PTPRD: variants seen among roughly 807,000 people sequenced by gnomAD.
PTPRD encodes protein tyrosine phosphatase receptor type D, also known as receptor-type tyrosine-protein phosphatase delta.
In PTPRD, 34 loss-of-function variants were observed where a neutral mutation model predicts 214.5. The ratio of observed to expected loss-of-function variants is 0.16; its 90% CI spans 0.12 to 0.21. The LOEUF is 0.21. Ranked by LOEUF, PTPRD falls within the 10% of genes least tolerant of loss-of-function variation. The pLI, the probability that PTPRD is intolerant of heterozygous loss-of-function variation, is 1.00. For synonymous variants in PTPRD, 1,128 were observed against 845.7 expected (o/e 1.33, Z -5.79); for missense variants, 2,545 against 2,398.7 (o/e 1.06, Z -1.27).
chr9:10,213,071 C>G (rs2099524474), intron 3 of PTPRD, among the ~76,000 whole-genome samples: 1 of 152,102 alleles, frequency 6.6e-6, no homozygotes, highest in South Asian at 2.1e-4. Context: ...TAAAGCTACA[C>G]AAGTTTTCAA....
chr9:8,359,273 C>T (rs563786593), intron 39 of PTPRD, among the ~76,000 whole-genome samples: 2 of 151,924 alleles, frequency 1.3e-5, no homozygotes, highest in East Asian at 1.9e-4. Context: ...CAGGCCCCAC[C>T]CCAACCTAGA....
At chr9:10,250,399 T>C (rs927109357) in intron 3 of PTPRD, among the ~76,000 whole-genome samples, 6 of 152,220 alleles carry the variant, frequency 3.9e-5, no homozygotes, top group East Asian at 1.9e-4. Context: ...CAAGACAAGA[T>C]GTACTGGAAC....
intron 21 of PTPRD, 39 bp downstream of exon 21, chr9:8,517,809 C>A (rs911746140): frequency 1.3e-6 from 2 of 1,550,682 alleles, no homozygotes; most frequent in East Asian, 4.5e-5. Flanking sequence ...TGCACCAGCC[C>A]TTCCCTCCTG....
intron 3 of PTPRD, among the ~76,000 whole-genome samples, chr9:10,118,410 G>C (rs958489020): frequency 6.6e-6 from 1 of 151,456 alleles, no homozygotes; most frequent in Non-Finnish European, 1.5e-5. Context: ...GTGCATAAAA[G>C]CACCTAGTTT....
At chr9:8,833,339 G>C (rs906355062) in intron 11 of PTPRD, among the ~76,000 whole-genome samples, 6 of 151,972 alleles carry the variant, frequency 3.9e-5, no homozygotes, top group African/African-American at 1.4e-4. Context: ...CTTTTGATAA[G>C]CCTGATATAT....
intron 14 of PTPRD, among the ~76,000 whole-genome samples, chr9:8,567,452 CCTT>C (rs1207648599): frequency 1.3e-5 from 2 of 152,152 alleles, no homozygotes; most frequent in Non-Finnish European, 1.5e-5. Context: ...GGGCACATGT[CCTT>C]CTTCACTAAG....
At chr9:10,491,057 G>A (rs779418792) in intron 2 of PTPRD, among the ~76,000 whole-genome samples, 4 of 152,098 alleles carry the variant, frequency 2.6e-5, no homozygotes, top group Admixed American at 6.6e-5. Context: ...CAGATTGCAA[G>A]CTTCCTGAAT....
intron 5 of PTPRD, among the ~76,000 whole-genome samples, chr9:9,891,242 G>A (rs2073214110): frequency 6.6e-6 from 1 of 152,100 alleles, no homozygotes; most frequent in African/African-American, 2.4e-5. Flanking sequence ...GTATGGGGAT[G>A]GGGATGAGAT....
At chr9:9,218,939 C>T (rs1477558974) in intron 9 of PTPRD, among the ~76,000 whole-genome samples, 1 of 152,072 alleles carries the variant, frequency 6.6e-6, no homozygotes, top group Non-Finnish European at 1.5e-5. Flanking sequence ...AACTATGTCT[C>T]ATTTGTGTAG....
intron 14 of PTPRD, among the ~76,000 whole-genome samples, chr9:8,612,837 C>A (rs1595258991): frequency 6.6e-6 from 1 of 152,120 alleles, no homozygotes; most frequent in African/African-American, 2.4e-5. Flanking sequence ...AGACTATTAG[C>A]ATGTTTTAAA....
At chr9:8,770,863 T>G (rs7020279) in intron 11 of PTPRD, among the ~76,000 whole-genome samples, 7,007 of 152,166 alleles carry the variant, frequency 0.046, 404 homozygotes, top group African/African-American at 0.13. Context: ...GGAGTAAAAC[T>G]TCCCATTGCA....
intron 2 of PTPRD, among the ~76,000 whole-genome samples, chr9:10,361,915 T>G (rs1219968124): frequency 6.6e-6 from 1 of 152,182 alleles, no homozygotes; most frequent in Non-Finnish European, 1.5e-5. Flanking sequence ...GGCACACATA[T>G]TTCTTCTATG....
chr9:8,859,536 G>T (rs961093434), intron 11 of PTPRD, among the ~76,000 whole-genome samples: 1 of 152,144 alleles, frequency 6.6e-6, no homozygotes, highest in Non-Finnish European at 1.5e-5. Flanking sequence ...CTGTGTTCAG[G>T]CCAGCACATA....
At chr9:10,504,555 A>C (rs922534721) in intron 2 of PTPRD, among the ~76,000 whole-genome samples, 2 of 152,186 alleles carry the variant, frequency 1.3e-5, no homozygotes, top group African/African-American at 4.8e-5. Flanking sequence ...ATCAATTCAG[A>C]GTGTAACAGC....
intron 9 of PTPRD, among the ~76,000 whole-genome samples, chr9:9,327,947 G>A (rs1250482461): frequency 1.3e-5 from 2 of 151,022 alleles, no homozygotes; most frequent in Non-Finnish European, 3.0e-5. Context: ...AATATTTTAA[G>A]AAAGTTTACA....
chr9:8,867,157 A>G (rs1221253542), intron 11 of PTPRD, among the ~76,000 whole-genome samples: 1 of 152,066 alleles, frequency 6.6e-6, no homozygotes, highest in Non-Finnish European at 1.5e-5. Flanking sequence ...CACTCTTAAT[A>G]TCTCTCCTTC....
intron 5 of PTPRD, among the ~76,000 whole-genome samples, chr9:9,777,484 C>T (rs2098807714): frequency 1.3e-5 from 2 of 151,990 alleles, no homozygotes; most frequent in Non-Finnish European, 2.9e-5. Context: ...CACTTGAGCC[C>T]AAGAGTTTGA....
At chr9:9,736,106 T>C (rs1420080449) in intron 6 of PTPRD, among the ~76,000 whole-genome samples, 1 of 152,120 alleles carries the variant, frequency 6.6e-6, no homozygotes, top group East Asian at 1.9e-4. Flanking sequence ...TTCAAGTCAT[T>C]TGACTGTGTG....
chr9:10,298,677 A>G (rs931099764), intron 3 of PTPRD, among the ~76,000 whole-genome samples: 2 of 151,986 alleles, frequency 1.3e-5, no homozygotes, highest in Non-Finnish European at 2.9e-5. Context: ...ATGAAAATTT[A>G]CATATATACA....
Sources: allele counts gnomAD v4.1 joint callset (sites outside exome capture counted in the v4.1 genomes callset), GRCh38; gene constraint gnomAD v4.1.1; transcripts MANE v1.5; gene names NCBI Gene and HGNC (gene_info 2026-07-23, HGNC 2026-07-21).